DDB1: variants seen among roughly 807,000 people sequenced by gnomAD.
The protein encoded by DDB1 is DNA damage-binding protein 1.
Under a neutral mutation model 133.1 loss-of-function variants are expected in DDB1, and 18 were observed. The observed-to-expected ratio is 0.14, with a 90% CI of 0.09 to 0.20. DDB1 has a LOEUF of 0.20. DDB1 is among the 10% of genes least tolerant of loss of function. The probability of loss-of-function intolerance (pLI) is 1.00; values close to 1 mark genes in which losing one functional copy is unlikely to be tolerated. For synonymous variants in DDB1, 580 were observed against 550.5 expected, an observed-to-expected ratio of 1.05 and a Z score of -0.75; for missense variants, 828 against 1,459.2, an observed-to-expected ratio of 0.57 and a Z score of 7.05.
chr11:61,332,673 G>A (rs1418649152), intron 1 of DDB1: 1 of 401,070 alleles, frequency 2.5e-6, no homozygotes, highest in Non-Finnish European at 4.4e-6. Context: ...TCTCGAGGCC[G>A]AATGACCTCC....
chr11:61,329,644 C>T (rs760539014), intron 3 of DDB1, 60 bp from the exon 4 acceptor site: 15 of 1,489,538 alleles, frequency 1.0e-5, no homozygotes, highest in Non-Finnish European at 1.1e-5. Flanking sequence ...ACAGAGGACG[C>T]TGGGCACCAC....
rs934259840 is a variant in DDB1 at position 61,300,073 on chromosome 11, G to A, written c.*63C>T. On this transcript the variant is annotated 3_prime_UTR_variant, in exon 27 of 27. Coordinates refer to ENST00000301764, the MANE Select transcript of DDB1 (RefSeq NM_001923.5). ...TGGCCAAGAAGACGATGGTGGAGAG[G>A]AGGGGGAGGGCAGCAGGGCAAAGCC... The A allele has an allele frequency of 6.5e-7, 1 of 1,536,698 alleles. No individual in the cohort carries two copies. The highest frequency in any genetic ancestry group is 9.0e-7 in the Non-Finnish European group (1 of 1,111,374).
chr11:61,303,752 G>T lies in DDB1; in HGVS notation c.2832+113C>A, dbSNP rs939198357. The T allele has an allele frequency of 1.1e-5, 12 of 1,122,456 alleles. No individual in the cohort carries two copies. In the Admixed American group the frequency reaches 2.7e-4, roughly 26 times the overall value. 69.5% of individuals were successfully genotyped at this position (1,122,456 alleles called of 1,614,324 possible). ...TAATCAATGTAGAATGTCTGCTCCG[G>T]GGAAAACATTTCTGCCCCTAATACT... On this transcript the variant is annotated intron_variant, in intron 22 of 26. Transcript: ENST00000301764.
chr11:61,301,370 CG>C (rs1855790986), intron 25 of DDB1: 1 of 153,452 alleles, frequency 6.5e-6, no homozygotes, highest in South Asian at 2.0e-4. Flanking sequence ...AAGACCAAAC[CG>C]GGGCAACATC....
At chr11:61,304,386 CAGGAGACAG>C (rs1855850261) in intron 21 of DDB1, among the ~76,000 whole-genome samples, 1 of 151,938 alleles carries the variant, frequency 6.6e-6, no homozygotes, top group African/African-American at 2.4e-5. Context: ...TGCATGAACC[CAGGAGACAG>C]AGGTTGCAGT....
At chr11:61,332,195 T>G (rs1421968234) in intron 1 of DDB1, 1 of 158,968 alleles carries the variant, frequency 6.3e-6, no homozygotes, top group African/African-American at 2.4e-5. Flanking sequence ...CCATCCACAC[T>G]CAGCTACCTC....
intron 7 of DDB1, chr11:61,323,464 G>T (rs1327746521): frequency 3.6e-6 from 1 of 278,108 alleles, no homozygotes; most frequent in African/African-American, 2.2e-5. Flanking sequence ...CTGGAGTGCA[G>T]TGGTACCACC....
intron 10 of DDB1, among the ~76,000 whole-genome samples, chr11:61,317,103 TTTTGTTTTG>T (rs1377917866): frequency 4.8e-4 from 71 of 147,214 alleles, no homozygotes; most frequent in African/African-American, 1.8e-3. Context: ...AGTTAAATAG[TTTTGTTTTG>T]TTTGTTTGCT....
intron 9 of DDB1, 47 bp downstream of exon 9, chr11:61,322,249 G>A (rs1856193575): frequency 6.9e-7 from 1 of 1,452,824 alleles, no homozygotes; most frequent in Non-Finnish European, 9.7e-7. Context: ...GGAGGACACA[G>A]TTTGAGTGGG....
chr11:61,320,605 G>C (rs1388350599), intron 10 of DDB1, among the ~76,000 whole-genome samples: 1 of 151,834 alleles, frequency 6.6e-6, no homozygotes, highest in African/African-American at 2.4e-5. Context: ...GCCCAGGCTG[G>C]TCTCAAACTC....
intron 21 of DDB1, 81 bp from the exon 22 acceptor site, chr11:61,304,116 C>A: frequency 1.3e-6 from 2 of 1,506,788 alleles, no homozygotes; most frequent in Non-Finnish European, 1.8e-6. Context: ...GACCCTTCAT[C>A]TGCAGCACTA....
In DDB1 at chr11:61,322,317, C is replaced by T; in HGVS notation, c.1101G>A (p.Leu367=). The change falls in exon 9 of 27, where the codon CTG becomes CTA. Residue 367 remains leucine, a synonymous_variant. Transcript: ENST00000301764. ...TTACCTGCCCCTGCCCCTGCCTCTC[C>T]AGGTCCACCACGCACATATCGACAA... The part of the protein sequence containing the change: ...GPIVDMCVVD[L]ERQGQGQLVT... The T allele has an allele frequency of 6.2e-7, 1 of 1,614,162 alleles. No individual in the cohort carries two copies. The highest frequency in any genetic ancestry group is 1.1e-5 in the South Asian group (1 of 91,080).
intron 12 of DDB1, 67 bp from the exon 13 acceptor site, chr11:61,314,553 T>A: frequency 6.7e-7 from 1 of 1,491,898 alleles, no homozygotes; most frequent in Non-Finnish European, 9.0e-7. Context: ...AGTGGAAAGG[T>A]GGTAAATGCA....
chr11:61,316,676 C>A, intron 10 of DDB1, 109 bp from the exon 11 acceptor site: 2 of 1,172,666 alleles, frequency 1.7e-6, no homozygotes, highest in Non-Finnish European at 2.5e-6. Context: ...AATCTCAACA[C>A]TTGGGAAGGC....
chr11:61,326,666 C>G (rs1045800026), intron 5 of DDB1, 113 bp downstream of exon 5: 2 of 831,950 alleles, frequency 2.4e-6, no homozygotes, highest in South Asian at 1.3e-5. Flanking sequence ...ACAATGCACA[C>G]CTTCAATAAT....
At position 61,329,060 on chromosome 11, in the gene DDB1, T is replaced by C. The variant is rs568393003; in HGVS notation, c.549+303A>G. 5.9e-5 allele frequency among the ~76,000 whole-genome samples: 9 copies of C among 152,224 alleles called. No homozygotes were observed. In the East Asian group the frequency reaches 9.7e-4, roughly 16 times the overall value. ...TTTTAATAATCCCCTAGCACTCCAG[T>C]AAGAGAATCAAAGTATAAACTGGGT... On this transcript the variant is annotated intron_variant, in intron 4 of 26. Coordinates refer to ENST00000301764, the MANE Select transcript of DDB1 (RefSeq NM_001923.5).
chr11:61,313,972 G>A lies in DDB1; in HGVS notation c.1754-3C>T, dbSNP rs1163234809. 1.2e-6 allele frequency: 2 copies of A among 1,614,170 alleles called. No individual in the cohort carries two copies. Among genetic ancestry groups the A allele is most frequent in the Non-Finnish European group, 8.5e-7 (1 of 1,180,036 alleles). On this transcript the variant is annotated splice_polypyrimidine_tract_variant and splice_region_variant and intron_variant, in intron 14 of 26. Coordinates refer to ENST00000301764, the MANE Select transcript of DDB1 (RefSeq NM_001923.5). ...CAGGATGGAGCGAGGAATGATCTCT[G>A]TGAGAAAGGGGGACATTATGTTCTT... is the stretch of plus-strand genomic sequence containing the variant.
At chr11:61,323,168 G>C in intron 7 of DDB1, 74 bp from the exon 8 acceptor site, 1 of 1,217,114 alleles carries the variant, frequency 8.2e-7, no homozygotes, top group Non-Finnish European at 1.2e-6. Context: ...CCACATCTCA[G>C]ACATCTGCTG....
intron 24 of DDB1, 101 bp downstream of exon 24, chr11:61,302,481 T>TA: frequency 6.3e-7 from 1 of 1,582,504 alleles, no homozygotes; most frequent in Non-Finnish European, 8.6e-7. Context: ...CCTCCTCTAG[T>TA]AAACACCTAG....
Sources: gnomAD v4.1 joint callset for allele counts (sites outside exome capture counted in the v4.1 genomes callset) on GRCh38, gnomAD v4.1.1 for gene constraint, MANE v1.5 for transcripts, NCBI Gene and HGNC (gene_info 2026-07-23, HGNC 2026-07-21) for gene names.